DAB1: variants seen among roughly 807,000 people sequenced by gnomAD.
DAB1 encodes the protein DAB adaptor protein 1.
In DAB1, 15 loss-of-function variants were observed where a neutral mutation model predicts 64.6. The observed-to-expected ratio is 0.23, with a 90% CI of 0.16 to 0.36. The LOEUF (loss-of-function observed/expected upper bound fraction) is 0.36, where lower values mean the gene tolerates loss of function less well. DAB1 is among the 10% of genes least tolerant of loss of function. The pLI is 1.00. For synonymous variants in DAB1, 235 were observed against 251.9 expected (o/e 0.93, Z 0.64); for missense variants, 596 against 706.7 (o/e 0.84, Z 1.78).
intron 6 of DAB1, among the ~76,000 whole-genome samples, chr1:57,774,206 T>C (rs1343949086): frequency 6.6e-6 from 1 of 151,932 alleles, no homozygotes; most frequent in African/African-American, 2.4e-5. Flanking sequence ...ATAGGTCTAG[T>C]GCTTTTGTAT....
chr1:57,109,482 A>G (rs138282734), intron 4 of DAB1, among the ~76,000 whole-genome samples: 118 of 152,330 alleles, frequency 7.7e-4, no homozygotes, highest in African/African-American at 2.6e-3. Flanking sequence ...ATAGTCTGGT[A>G]TGGATGGAAC....
chr1:57,157,307 T>G (rs151048919), intron 2 of DAB1, among the ~76,000 whole-genome samples: 1 of 152,308 alleles, frequency 6.6e-6, no homozygotes, highest in East Asian at 1.9e-4. Flanking sequence ...ACATATTTCT[T>G]ATATCAAGCT....
At chr1:57,335,894 A>C (rs1677040980) in intron 1 of DAB1, among the ~76,000 whole-genome samples, 1 of 152,244 alleles carries the variant, frequency 6.6e-6, no homozygotes, top group South Asian at 2.1e-4. Context: ...TTTGAATCCC[A>C]CAGAAAAATA....
chr1:57,893,536 C>T (rs1336230599), intron 5 of DAB1, among the ~76,000 whole-genome samples: 2 of 152,106 alleles, frequency 1.3e-5, no homozygotes, highest in African/African-American at 2.4e-5. Flanking sequence ...AGGAAGCATA[C>T]AGTCTATCAA....
chr1:57,035,321 T>G (rs1184762115), intron 9 of DAB1, among the ~76,000 whole-genome samples: 1 of 152,098 alleles, frequency 6.6e-6, no homozygotes, highest in Non-Finnish European at 1.5e-5. Flanking sequence ...AAAAAGCAAA[T>G]GGCTTCGGAG....
intron 3 of DAB1, among the ~76,000 whole-genome samples, chr1:57,144,672 C>T (rs1184929637): frequency 2.8e-5 from 4 of 145,308 alleles, no homozygotes; most frequent in Non-Finnish European, 6.0e-5. Flanking sequence ...CCAGCCTAGG[C>T]GATAGAGTGA....
intron 1 of DAB1, among the ~76,000 whole-genome samples, chr1:57,870,757 T>A (rs1291463413): frequency 6.6e-6 from 1 of 152,054 alleles, no homozygotes; most frequent in African/African-American, 2.4e-5. Flanking sequence ...TAATCTGGAA[T>A]GAATGGGGAA....
At chr1:57,942,852 G>C (rs935994563) in intron 5 of DAB1, among the ~76,000 whole-genome samples, 2 of 152,018 alleles carry the variant, frequency 1.3e-5, no homozygotes, top group Non-Finnish European at 2.9e-5. Context: ...TTGTGTTTTG[G>C]GTTTAGCCAT....
rs116109439 is a variant in DAB1, at chr1:58,505,610, T to G, written n.257+450A>C. Among the ~76,000 whole-genome samples the G allele has an allele frequency of 4.2e-3, 636 of 152,188 alleles. 3 individuals carry two copies. Among genetic ancestry groups the G allele is most frequent in the African/African-American group, 0.015 (615 of 41,510 alleles). Reference sequence around the variant, plus strand: ...ATAACCAGAAACAAACATGAAGATTTTTTTTCCTAAAAAAACAAATTCCAG... The same window carrying G: ...ATAACCAGAAACAAACATGAAGATTGTTTTTCCTAAAAAAACAAATTCCAG... On this transcript the variant is annotated intron_variant and non_coding_transcript_variant, in intron 3 of 20. Coordinates refer to the DAB1 transcript ENST00000485760.
At chr1:57,889,647 C>A (rs1199510735) in intron 5 of DAB1, among the ~76,000 whole-genome samples, 2 of 152,196 alleles carry the variant, frequency 1.3e-5, no homozygotes, top group Non-Finnish European at 1.5e-5. Flanking sequence ...AGCTCAGGAT[C>A]TTTATGCAGG....
chr1:57,640,345 G>C (rs12066118), intron 7 of DAB1, among the ~76,000 whole-genome samples: 2,991 of 152,188 alleles, frequency 0.02, 82 homozygotes, highest in African/African-American at 0.064. Context: ...TAAATGTATT[G>C]TATTAACTTA....
intron 3 of DAB1, among the ~76,000 whole-genome samples, chr1:57,143,048 T>C (rs1658766659): frequency 1.3e-5 from 2 of 152,172 alleles, no homozygotes; most frequent in East Asian, 1.9e-4. Flanking sequence ...CTCTATCTAA[T>C]TGGAGAGTTT....
At chr1:58,075,053 C>T (rs1474051577) in intron 5 of DAB1, among the ~76,000 whole-genome samples, 1 of 152,168 alleles carries the variant, frequency 6.6e-6, no homozygotes, top group African/African-American at 2.4e-5. Context: ...CCTCTTCCAT[C>T]CAGCTTGCAT....
At chr1:57,966,420 C>T (rs1444560810) in intron 5 of DAB1, among the ~76,000 whole-genome samples, 5 of 152,054 alleles carry the variant, frequency 3.3e-5, no homozygotes, top group African/African-American at 7.2e-5. Flanking sequence ...GAGAATATGC[C>T]ACCTGGGGAA....
intron 5 of DAB1, among the ~76,000 whole-genome samples, chr1:57,895,162 T>A (rs2101987288): frequency 6.6e-6 from 1 of 152,204 alleles, no homozygotes; most frequent in South Asian, 2.1e-4. Flanking sequence ...GATATTCAAG[T>A]CTAATGGGTA....
At chr1:58,118,142 C>G (rs1652460599) in intron 5 of DAB1, among the ~76,000 whole-genome samples, 1 of 151,538 alleles carries the variant, frequency 6.6e-6, no homozygotes, top group African/African-American at 2.4e-5. Flanking sequence ...AACTCCTGGG[C>G]TCAAGCAATC....
chr1:57,381,574 C>T (rs569352274), intron 1 of DAB1, among the ~76,000 whole-genome samples: 87 of 152,114 alleles, frequency 5.7e-4, no homozygotes, highest in Non-Finnish European at 1.1e-3. Flanking sequence ...TGTTCAGGTC[C>T]GGGAAGCAGC....
intron 2 of DAB1, among the ~76,000 whole-genome samples, chr1:57,194,565 C>A (rs1176885160): frequency 6.6e-6 from 1 of 152,134 alleles, no homozygotes; most frequent in Non-Finnish European, 1.5e-5. Flanking sequence ...GTGGAAAAGC[C>A]CTTTCCCTTT....
upstream of DAB1, among the ~76,000 whole-genome samples, chr1:57,427,844 T>C (rs1197390066): frequency 1.3e-5 from 2 of 152,186 alleles, no homozygotes; most frequent in African/African-American, 4.8e-5. Context: ...TAGTTACTAA[T>C]TTTGTGCATG....
Sources: gnomAD v4.1 joint callset for allele counts (sites outside exome capture counted in the v4.1 genomes callset) on GRCh38, gnomAD v4.1.1 for gene constraint, MANE v1.5 for transcripts, NCBI Gene and HGNC (gene_info 2026-07-23, HGNC 2026-07-21) for gene names.